KCNIP3: variants seen among roughly 807,000 people sequenced by gnomAD.
The protein encoded by KCNIP3 is calsenilin.
KCNIP3 carries 28 observed loss-of-function variants against 35.0 expected under a neutral mutation model. The observed-to-expected ratio is 0.80, with a 90% CI of 0.59 to 1.10. KCNIP3 has a LOEUF of 1.10. Among genes scored for constraint, KCNIP3 ranks in the 50% least tolerant of loss-of-function variants. The pLI is 0.00. For synonymous variants in KCNIP3, 134 were observed against 133.8 expected (o/e 1.00, Z -0.01); for missense variants, 295 against 338.4 (o/e 0.87, Z 1.01).
rs1279996978 is a variant in KCNIP3 at position 95,376,531 on chromosome 2, G to A, written c.447+1323G>A. The stretch of plus-strand genomic sequence containing the variant: ...CTGGGTCTGTCAGTGGCTGTGCTGT[G>A]GCCCCTCTGCTGGGCACCTTCTCAG... On this transcript the variant is annotated intron_variant, in intron 5 of 8. Coordinates refer to ENST00000295225, the MANE Select transcript of KCNIP3 (RefSeq NM_013434.5). The surrounding 1 kb of genome is among the most constrained non-coding windows in gnomAD (Gnocchi z 4.2). 1.3e-5 allele frequency among the ~76,000 whole-genome samples: 2 copies of A among 152,250 alleles called. No individual in the cohort carries two copies. Among genetic ancestry groups the A allele is most frequent in the African/African-American group, 4.8e-5 (2 of 41,470 alleles).
chr2:95,317,513 C>T (rs1318698395), intron 2 of KCNIP3, among the ~76,000 whole-genome samples: 4 of 152,118 alleles, frequency 2.6e-5, no homozygotes, highest in African/African-American at 9.7e-5. Flanking sequence ...ACTCTGGCTG[C>T]CCCGGGGCTC....
chr2:95,335,210 G>A (rs767024739), intron 2 of KCNIP3, among the ~76,000 whole-genome samples: 35 of 152,228 alleles, frequency 2.3e-4, no homozygotes, highest in Non-Finnish European at 3.8e-4. Flanking sequence ...TTCCCAGAAT[G>A]TGGTTCCCAC....
chr2:95,319,604 C>T (rs571273775), intron 2 of KCNIP3, among the ~76,000 whole-genome samples: 1 of 152,320 alleles, frequency 6.6e-6, no homozygotes, highest in African/African-American at 2.4e-5. Flanking sequence ...TCCCTCCTGC[C>T]CGCCCTTGGC....
At chr2:95,328,872 C>T (rs555618076) in intron 2 of KCNIP3, among the ~76,000 whole-genome samples, 25 of 152,350 alleles carry the variant, frequency 1.6e-4, no homozygotes, top group East Asian at 3.9e-4. Context: ...CTGGCCTTTG[C>T]TGGGCCTTAG....
At chr2:95,317,702 T>C (rs943192044) in intron 2 of KCNIP3, among the ~76,000 whole-genome samples, 5 of 151,932 alleles carry the variant, frequency 3.3e-5, no homozygotes, top group Non-Finnish European at 7.4e-5. Flanking sequence ...TGGGGAGTCC[T>C]AGAAAAAGAA....
intron 2 of KCNIP3, among the ~76,000 whole-genome samples, chr2:95,335,845 A>T (rs1573497970): frequency 6.6e-6 from 1 of 152,090 alleles, no homozygotes; most frequent in African/African-American, 2.4e-5. Flanking sequence ...TTCGACCCAC[A>T]TATCCTCCTT....
At chr2:95,335,494 T>C (rs1679039491) in intron 2 of KCNIP3, among the ~76,000 whole-genome samples, 1 of 152,200 alleles carries the variant, frequency 6.6e-6, no homozygotes, top group African/African-American at 2.4e-5. Flanking sequence ...TGTGTCTGTT[T>C]TTCTTCTGGA....
Position 95,341,192 on chromosome 2 carries a change from G to A in KCNIP3, c.181+30672G>A, listed in dbSNP as rs777864601. On this transcript the variant is annotated intron_variant, in intron 2 of 8. Transcript: ENST00000295225. ...AGCATCCACTTGGAGCTGTTCTCAC[G>A]ATACAGAGTGAGATCTTGTGAGACC... is the stretch of plus-strand genomic sequence containing the variant. Among the ~76,000 whole-genome samples, 4 of 152,276 alleles carry A rather than the reference G, an allele frequency of 2.6e-5. No homozygotes were observed. In the East Asian group the frequency reaches 5.8e-4, roughly 22 times the overall value.
chr2:95,319,460 G>T (rs752020517), intron 2 of KCNIP3, among the ~76,000 whole-genome samples: 2 of 152,206 alleles, frequency 1.3e-5, no homozygotes. Context: ...ACCCTGGGCC[G>T]CTTCTCTGTG....
intron 1 of KCNIP3, among the ~76,000 whole-genome samples, chr2:95,300,960 C>T (rs1411929385): frequency 1.3e-5 from 2 of 152,236 alleles, no homozygotes; most frequent in Admixed American, 6.5e-5. Flanking sequence ...CTGCCCAACG[C>T]CCCCAGCCTT....
intron 2 of KCNIP3, among the ~76,000 whole-genome samples, chr2:95,353,251 G>T (rs565282806): frequency 5.9e-4 from 90 of 152,300 alleles, no homozygotes; most frequent in African/African-American, 2.1e-3. Flanking sequence ...CAGAGAACCT[G>T]GGTGGGGGCC....
chr2:95,325,854 C>G (rs111162558), intron 2 of KCNIP3, among the ~76,000 whole-genome samples: 2 of 60,424 alleles, frequency 3.3e-5, no homozygotes, highest in Non-Finnish European at 6.6e-5. Flanking sequence ...TACACACATA[C>G]ACTCACAGGC....
intron 2 of KCNIP3, among the ~76,000 whole-genome samples, chr2:95,364,272 C>A (rs1679866173): frequency 6.6e-6 from 1 of 151,998 alleles, no homozygotes; most frequent in African/African-American, 2.4e-5. Flanking sequence ...TATCAAATGC[C>A]CTTTCTGCAT....
At chr2:95,381,182 T>A (rs1220331698) in intron 5 of KCNIP3, among the ~76,000 whole-genome samples, 1 of 152,150 alleles carries the variant, frequency 6.6e-6, no homozygotes, top group Admixed American at 6.5e-5. Context: ...CCATATATAT[T>A]TGAATATCTT....
At position 95,384,111 on chromosome 2, in the gene KCNIP3, C is replaced by A; in HGVS notation, c.*62C>A. On this transcript the variant is annotated 3_prime_UTR_variant, in exon 9 of 9. Transcript: ENST00000295225. ...CACCCCCAAGAAACCTCCATCCTGCCAGGAGCAGCCTCCAAGAAACTTTTA... is the reference window on the plus strand; with the variant it reads ...CACCCCCAAGAAACCTCCATCCTGCAAGGAGCAGCCTCCAAGAAACTTTTA... 1 of 1,473,086 alleles carries A rather than the reference C, an allele frequency of 6.8e-7. No homozygotes were observed. The highest frequency in any genetic ancestry group is 9.5e-7 in the Non-Finnish European group (1 of 1,052,740). The allele number at this position is 1,473,086 out of a possible 1,614,324, so 91.3% of individuals were successfully genotyped here.
chr2:95,360,130 C>T (rs1679755643), intron 2 of KCNIP3, among the ~76,000 whole-genome samples: 1 of 150,336 alleles, frequency 6.7e-6, no homozygotes, highest in Non-Finnish European at 1.5e-5. Context: ...TATCCCAGTT[C>T]ATCACTCTTA....
At chr2:95,333,782 C>T (rs1466869713) in intron 2 of KCNIP3, among the ~76,000 whole-genome samples, 1 of 152,204 alleles carries the variant, frequency 6.6e-6, no homozygotes, top group Non-Finnish European at 1.5e-5. Context: ...TGATGGGTGG[C>T]TGAGTCCTCC....
At chr2:95,355,013 A>G (rs1311393009) in intron 2 of KCNIP3, 1 of 152,248 alleles carries the variant, frequency 6.6e-6, no homozygotes, top group African/African-American at 2.4e-5. Context: ...CACTTTATGC[A>G]TATCCCAATC....
At chr2:95,345,436 C>G (rs938405860) in intron 2 of KCNIP3, among the ~76,000 whole-genome samples, 2 of 152,270 alleles carry the variant, frequency 1.3e-5, no homozygotes, top group South Asian at 2.1e-4. Flanking sequence ...GCTCCCACCC[C>G]ACCCAGGCAG....
Sources: gnomAD v4.1 joint callset for allele counts (sites outside exome capture counted in the v4.1 genomes callset) on GRCh38, gnomAD v4.1.1 for gene constraint, Gnocchi (gnomAD v3.1) non-coding constraint, MANE v1.5 for transcripts, NCBI Gene and HGNC (gene_info 2026-07-23, HGNC 2026-07-21) for gene names.